Variants in SNAP25 observed in about 807,000 individuals in gnomAD.
SNAP25 encodes synaptosome associated protein 25, also known as synaptosomal-associated protein 25.
In SNAP25, 3 loss-of-function variants were observed where a neutral mutation model predicts 28.7. That is an observed-to-expected ratio of 0.10 (90% CI 0.05 to 0.27). The LOEUF (loss-of-function observed/expected upper bound fraction) is 0.27, where lower values mean the gene tolerates loss of function less well. SNAP25 is among the 10% of genes least tolerant of loss of function. SNAP25 has a pLI of 1.00. For synonymous variants in SNAP25, 61 were observed against 88.1 expected (o/e 0.69, Z 1.72); for missense variants, 117 against 278.7 (o/e 0.42, Z 4.13).
intron 1 of SNAP25, among the ~76,000 whole-genome samples, chr20:10,257,271 C>T (rs749733225): frequency 7.9e-5 from 12 of 152,138 alleles, no homozygotes; most frequent in East Asian, 3.9e-4. Context: ...TTTAGCCTTC[C>T]GAAGCAAAAA....
intron 1 of SNAP25, among the ~76,000 whole-genome samples, chr20:10,238,845 C>T (rs1202030545): frequency 2.0e-5 from 3 of 151,838 alleles, no homozygotes; most frequent in Admixed American, 6.6e-5. Context: ...GCAGAGGTTG[C>T]GGTGAGCCGA....
intron 2 of SNAP25, 62 bp from the exon 3 acceptor site, chr20:10,277,623 T>C: frequency 7.1e-7 from 1 of 1,413,438 alleles, no homozygotes; most frequent in Non-Finnish European, 9.9e-7. Flanking sequence ...TATTTCTGAT[T>C]TTCCAAGATC....
At chr20:10,302,805 C>A (rs2064271828) in intron 7 of SNAP25, among the ~76,000 whole-genome samples, 1 of 149,036 alleles carries the variant, frequency 6.7e-6, no homozygotes, top group Admixed American at 6.7e-5. Flanking sequence ...TTAAAAGAAG[C>A]TAATTCTTTT....
intron 1 of SNAP25, among the ~76,000 whole-genome samples, chr20:10,270,097 T>C (rs990481976): frequency 2.0e-5 from 3 of 151,690 alleles, no homozygotes; most frequent in African/African-American, 4.8e-5. Context: ...CTACTAAAAA[T>C]ACAAAATTAG....
At chr20:10,276,285 A>G (rs1267780551) in intron 2 of SNAP25, among the ~76,000 whole-genome samples, 1 of 152,226 alleles carries the variant, frequency 6.6e-6, no homozygotes, top group Non-Finnish European at 1.5e-5. Context: ...TCCCATCTCT[A>G]AAAATATTTA....
intron 1 of SNAP25, among the ~76,000 whole-genome samples, chr20:10,227,650 G>A (rs1160683732): frequency 6.6e-6 from 1 of 152,082 alleles, no homozygotes; most frequent in Admixed American, 6.6e-5. Flanking sequence ...GAGTTAAAAT[G>A]CTAACGAAGG....
chr20:10,292,651 T>C lies in SNAP25; in HGVS notation c.164-510T>C, dbSNP rs115367133. On this transcript the variant is annotated intron_variant, in intron 4 of 7. Coordinates refer to ENST00000254976, the MANE Select transcript of SNAP25 (RefSeq NM_130811.4). ...TGGACACTCAGAATCAAACAGGCCT[T>C]CCACCCCATCCCATCATGTTGAATT... 3.7e-3 allele frequency among the ~76,000 whole-genome samples: 571 copies of C among 152,284 alleles called. 3 individuals are homozygous for C. Among genetic ancestry groups the C allele is most frequent in the African/African-American group, 0.013 (536 of 41,570 alleles).
intron 4 of SNAP25, among the ~76,000 whole-genome samples, chr20:10,292,081 A>G (rs1005825831): frequency 6.6e-6 from 1 of 152,200 alleles, no homozygotes; most frequent in East Asian, 1.9e-4. Context: ...CTATGTTCCA[A>G]TTCATAATCC....
intron 7 of SNAP25, among the ~76,000 whole-genome samples, chr20:10,302,061 G>A (rs761947979): frequency 5.3e-5 from 8 of 151,866 alleles, no homozygotes; most frequent in Non-Finnish European, 1.0e-4. Flanking sequence ...CCTTAGCAAT[G>A]TTCAAACTTT....
intron 1 of SNAP25, among the ~76,000 whole-genome samples, chr20:10,260,523 TC>T (rs1278936456): frequency 6.6e-6 from 1 of 152,044 alleles, no homozygotes; most frequent in Non-Finnish European, 1.5e-5. Flanking sequence ...AGAATGAGAA[TC>T]TTAGAAATGC....
chr20:10,290,547 C>T (rs1430681821), intron 4 of SNAP25, among the ~76,000 whole-genome samples: 1 of 151,834 alleles, frequency 6.6e-6, no homozygotes, highest in Non-Finnish European at 1.5e-5. Context: ...TTCATAGGTC[C>T]AATACCTGTG....
rs2063556793 is a variant in SNAP25 at position 10,269,490 on chromosome 20, A to G, written c.-63-5939A>G. Among the ~76,000 whole-genome samples, 4 of 152,264 alleles carry G rather than the reference A, an allele frequency of 2.6e-5. No homozygotes were observed. In the South Asian group the frequency reaches 8.3e-4, roughly 32 times the overall value. ...TGAAAAGGGGATTTTACAGACACAT[A>G]TGAACAGAAAAAATATACCATGTGT... On this transcript the variant is annotated intron_variant, in intron 1 of 7. Transcript: ENST00000254976.
intron 6 of SNAP25, among the ~76,000 whole-genome samples, chr20:10,298,473 T>C (rs905899954): frequency 3.2e-4 from 49 of 152,308 alleles, no homozygotes; most frequent in African/African-American, 1.0e-3. Context: ...CTGAAATAAG[T>C]ACCTCCTTAA....
At chr20:10,255,198 C>G (rs1369401566) in intron 1 of SNAP25, among the ~76,000 whole-genome samples, 2 of 152,222 alleles carry the variant, frequency 1.3e-5, no homozygotes, top group Admixed American at 1.3e-4. Flanking sequence ...GACAGCCAAC[C>G]TGCCAAGTTT....
chr20:10,301,117 A>G (rs1374744967), intron 7 of SNAP25, among the ~76,000 whole-genome samples: 2 of 152,214 alleles, frequency 1.3e-5, no homozygotes, highest in Non-Finnish European at 2.9e-5. Context: ...ACTCTTATTG[A>G]CAGAGTTGAA....
In SNAP25 at chr20:10,240,887, C is replaced by T. The variant is rs998355006; in HGVS notation, c.-64+21910C>T. ...TCAGTCTTTCAGTGTTTGCCATTAG[C>T]GACCTGGGGAGTGATGCGAATGGCT... is the stretch of plus-strand genomic sequence containing the variant. On this transcript the variant is annotated intron_variant, in intron 1 of 7. Transcript: ENST00000254976. Among the ~76,000 whole-genome samples the T allele has an allele frequency of 3.9e-5, 6 of 152,288 alleles. No individual in the cohort carries two copies. In the East Asian group the frequency reaches 7.7e-4, roughly 20 times the overall value.
intron 1 of SNAP25, among the ~76,000 whole-genome samples, chr20:10,228,969 G>A (rs979594143): frequency 6.6e-6 from 1 of 152,060 alleles, no homozygotes; most frequent in Non-Finnish European, 1.5e-5. Context: ...TTCTATTTGG[G>A]GAAAGATTTT....
intron 1 of SNAP25, among the ~76,000 whole-genome samples, chr20:10,265,044 A>G (rs770939806): frequency 1.3e-5 from 2 of 151,978 alleles, no homozygotes; most frequent in African/African-American, 2.4e-5. Flanking sequence ...TTATCCAGAA[A>G]ATGGGTGTAA....
intron 1 of SNAP25, among the ~76,000 whole-genome samples, chr20:10,220,736 C>T (rs114377023): frequency 6.6e-6 from 1 of 152,186 alleles, no homozygotes; most frequent in Non-Finnish European, 1.5e-5. Context: ...ATGTAATAAT[C>T]TATACAATGC....
Sources: allele counts gnomAD v4.1 joint callset (sites outside exome capture counted in the v4.1 genomes callset), GRCh38; gene constraint gnomAD v4.1.1; transcripts MANE v1.5; gene names NCBI Gene and HGNC (gene_info 2026-07-23, HGNC 2026-07-21).